SRPK2: variants seen among roughly 807,000 people sequenced by gnomAD.
The protein encoded by SRPK2 is SFRS protein kinase 2.
A neutral mutation model predicts 90.8 loss-of-function variants in SRPK2; 21 were observed. The ratio of observed to expected loss-of-function variants is 0.23; its 90% CI spans 0.16 to 0.33. SRPK2 has a LOEUF of 0.33. Among genes scored for constraint, SRPK2 ranks in the 10% least tolerant of loss-of-function variants. The pLI, the probability that SRPK2 is intolerant of heterozygous loss-of-function variation, is 1.00. For missense variants in SRPK2, 620 were observed against 869.0 expected (o/e 0.71, Z 3.60); for synonymous variants, 288 against 311.1 (o/e 0.93, Z 0.78).
At chr7:105,182,050 G>A (rs1199983620) in intron 3 of SRPK2, among the ~76,000 whole-genome samples, 1 of 151,592 alleles carries the variant, frequency 6.6e-6, no homozygotes, top group Non-Finnish European at 1.5e-5. Context: ...CCAGCATGAT[G>A]AAACCCCAAC....
At chr7:105,236,357 T>G (rs1324531061) in intron 2 of SRPK2, among the ~76,000 whole-genome samples, 3 of 152,160 alleles carry the variant, frequency 2.0e-5, no homozygotes, top group African/African-American at 7.2e-5. Context: ...TTTTCACAAT[T>G]TCTGATAACA....
intron 2 of SRPK2, among the ~76,000 whole-genome samples, chr7:105,375,065 T>C (rs555553952): frequency 6.6e-6 from 1 of 152,340 alleles, no homozygotes; most frequent in African/African-American, 2.4e-5. Context: ...GTGCATATCA[T>C]GCTGGCTGGT....
Position 105,388,697 on chromosome 7 carries a change from C to G in SRPK2, c.22G>C (p.Ala8Pro). 6.3e-7 allele frequency: 1 copy of G among 1,585,892 alleles called. No homozygotes were observed. Among genetic ancestry groups the G allele is most frequent in the Non-Finnish European group, 8.6e-7 (1 of 1,165,528 alleles). Reference sequence around the variant, plus strand: ...GGCCTCCGCTTTCGGGCCTGAATGGCCAGCACTGGGGAAGAGAAGACACAC... The same window carrying G: ...GGCCTCCGCTTTCGGGCCTGAATGGGCAGCACTGGGGAAGAGAAGACACAC... MSSRKVL[A>P]IQARKRRPKR... The change falls in exon 2 of 16, where the codon GCC (alanine) becomes CCC (proline). Residue 8 changes from alanine (A) to proline (P), a missense_variant. Physicochemically the swap from Ala to Pro is conservative, Grantham distance 27 (BLOSUM62 -1). Around this residue, in one of 8 missense-constraint regions of SRPK2, gnomAD observed 56 missense variants for 49.6 expected, o/e 1.13. Transcript: ENST00000393651.
chr7:105,376,227 G>C (rs1820281669), intron 2 of SRPK2, among the ~76,000 whole-genome samples: 2 of 151,700 alleles, frequency 1.3e-5, no homozygotes, highest in Non-Finnish European at 2.9e-5. Flanking sequence ...TCTATCTCCT[G>C]ACCTTGTGAT....
chr7:105,289,600 T>C (rs908859848), intron 2 of SRPK2, among the ~76,000 whole-genome samples: 3 of 152,202 alleles, frequency 2.0e-5, no homozygotes, highest in African/African-American at 4.8e-5. Flanking sequence ...ATCATAAAAA[T>C]ATAAATTATT....
intron 9 of SRPK2, among the ~76,000 whole-genome samples, chr7:105,144,951 CA>C (rs1804347658): frequency 6.6e-6 from 1 of 151,910 alleles, no homozygotes; most frequent in Non-Finnish European, 1.5e-5. Flanking sequence ...ACTAAAAATA[CA>C]AAAATTAGTT....
At chr7:105,167,885 A>C (rs1790288506) in intron 5 of SRPK2, 123 bp downstream of exon 5, 3 of 763,568 alleles carry the variant, frequency 3.9e-6, no homozygotes, top group African/African-American at 3.6e-5. Flanking sequence ...TGCTGAGATT[A>C]TAGGCATGAG....
intron 2 of SRPK2, among the ~76,000 whole-genome samples, chr7:105,318,260 A>G (rs1471798626): frequency 1.3e-5 from 2 of 151,714 alleles, no homozygotes; most frequent in Non-Finnish European, 2.9e-5. Flanking sequence ...TCGCCCAGCT[A>G]ATTTTTGTAT....
chr7:105,307,472 C>T (rs971241432), intron 2 of SRPK2, among the ~76,000 whole-genome samples: 1 of 152,194 alleles, frequency 6.6e-6, no homozygotes, highest in Non-Finnish European at 1.5e-5. Flanking sequence ...CCGGCTTGCA[C>T]CCTCACAGCC....
intron 2 of SRPK2, among the ~76,000 whole-genome samples, chr7:105,233,797 T>C (rs538269370): frequency 6.6e-6 from 1 of 152,138 alleles, no homozygotes; most frequent in South Asian, 2.1e-4. Context: ...GACTCAGAGA[T>C]TGCAGTGAGC....
At chr7:105,355,638 A>C (rs1032064401) in intron 2 of SRPK2, among the ~76,000 whole-genome samples, 7 of 152,116 alleles carry the variant, frequency 4.6e-5, no homozygotes, top group African/African-American at 1.7e-4. Flanking sequence ...TGGGTGAGAG[A>C]ACCTGTCTCC....
At chr7:105,255,065 T>A (rs911877933) in intron 2 of SRPK2, among the ~76,000 whole-genome samples, 1 of 150,580 alleles carries the variant, frequency 6.6e-6, no homozygotes, top group African/African-American at 2.4e-5. Context: ...TGAACTTTAA[T>A]GATTAACAGC....
intron 2 of SRPK2, among the ~76,000 whole-genome samples, chr7:105,335,512 T>C (rs532901574): frequency 2.3e-4 from 35 of 151,488 alleles, no homozygotes; most frequent in African/African-American, 7.8e-4. Context: ...ATTTTCAAAA[T>C]TGGTCATGGT....
At chr7:105,364,307 G>T (rs1384257973) in intron 2 of SRPK2, among the ~76,000 whole-genome samples, 1 of 151,846 alleles carries the variant, frequency 6.6e-6, no homozygotes, top group Non-Finnish European at 1.5e-5. Context: ...AACAACAATG[G>T]TATCTTCAGT....
At chr7:105,245,596 A>G (rs80285789) in intron 2 of SRPK2, among the ~76,000 whole-genome samples, 2,961 of 152,286 alleles carry the variant, frequency 0.019, 99 homozygotes, top group African/African-American at 0.066. Context: ...GTTTTGACGG[A>G]AGCATTTGGA....
chr7:105,331,486 G>C (rs546976809), intron 2 of SRPK2, among the ~76,000 whole-genome samples: 36 of 152,098 alleles, frequency 2.4e-4, no homozygotes, highest in Admixed American at 7.2e-4. Flanking sequence ...GAGAGAGAAG[G>C]AGAAAAAATA....
chr7:105,355,024 A>G (rs1817621831), intron 2 of SRPK2, among the ~76,000 whole-genome samples: 1 of 152,078 alleles, frequency 6.6e-6, no homozygotes, highest in South Asian at 2.1e-4. Context: ...GACTTCTTTG[A>G]TCCAGTATAA....
At chr7:105,391,928 C>T (rs75277342), upstream of SRPK2, among the ~76,000 whole-genome samples, 1,660 of 152,214 alleles carry the variant, frequency 0.011, 23 homozygotes, top group African/African-American at 0.038. Flanking sequence ...AGCGCTATCA[C>T]AGCCAAAAGG....
chr7:105,391,224 A>ATT (rs1822174020), upstream of SRPK2, among the ~76,000 whole-genome samples: 1 of 151,750 alleles, frequency 6.6e-6, no homozygotes, highest in Non-Finnish European at 1.5e-5. Context: ...TTATTTATTG[A>ATT]GATGGAATTT....
Sources: gnomAD v4.1 joint callset for allele counts (sites outside exome capture counted in the v4.1 genomes callset) on GRCh38, gnomAD v4.1.1 for gene constraint, gnomAD v4.1.1 regional missense constraint, MANE v1.5 for transcripts, NCBI Gene and HGNC (gene_info 2026-07-23, HGNC 2026-07-21) for gene names.